ADGRL2: variants seen among roughly 807,000 people sequenced by gnomAD.
ADGRL2 encodes adhesion G protein-coupled receptor L2.
A neutral mutation model predicts 157.4 loss-of-function variants in ADGRL2; 44 were observed. The observed-to-expected ratio is 0.28, with a 90% CI of 0.22 to 0.36. ADGRL2 has a LOEUF of 0.36. ADGRL2 is among the 10% of genes least tolerant of loss of function. The probability of loss-of-function intolerance (pLI) is 1.00; values close to 1 mark genes in which losing one functional copy is unlikely to be tolerated. For synonymous variants in ADGRL2, 585 were observed against 624.7 expected (o/e 0.94, Z 0.95); for missense variants, 1,510 against 1,768.9 (o/e 0.85, Z 2.63).
intron 3 of ADGRL2, among the ~76,000 whole-genome samples, chr1:81,637,879 G>C (rs1345169410): frequency 6.6e-6 from 1 of 151,234 alleles, no homozygotes. Flanking sequence ...TGTCCAGTTT[G>C]TGGGCCTAAG....
intron 1 of ADGRL2, among the ~76,000 whole-genome samples, chr1:81,341,729 G>A (rs752640189): frequency 2.0e-5 from 3 of 152,020 alleles, no homozygotes; most frequent in African/African-American, 4.8e-5. Flanking sequence ...TGTTTGTAGA[G>A]CTCATTGGGA....
chr1:81,725,784 C>T (rs1277153975), intron 1 of ADGRL2, among the ~76,000 whole-genome samples: 1 of 152,110 alleles, frequency 6.6e-6, no homozygotes, highest in Non-Finnish European at 1.5e-5. Context: ...TTTTTAAATT[C>T]CACAATGTAA....
chr1:81,642,897 T>G (rs2082247697), intron 3 of ADGRL2, among the ~76,000 whole-genome samples: 1 of 152,168 alleles, frequency 6.6e-6, no homozygotes, highest in Admixed American at 6.5e-5. Context: ...TTGTAAAAAT[T>G]CTCAGTAAAC....
At chr1:81,775,796 A>G (rs900499205) in intron 2 of ADGRL2, among the ~76,000 whole-genome samples, 2 of 152,184 alleles carry the variant, frequency 1.3e-5, no homozygotes, top group Non-Finnish European at 2.9e-5. Context: ...ATACCTTGTA[A>G]AAAGGTTGGT....
chr1:81,510,409 A>C (rs540485807), intron 2 of ADGRL2, among the ~76,000 whole-genome samples: 2 of 152,166 alleles, frequency 1.3e-5, no homozygotes, highest in Non-Finnish European at 2.9e-5. Context: ...AGGCTGAAAA[A>C]CAAAATTCCT....
chr1:81,448,861 T>C (rs1228582166), intron 2 of ADGRL2, among the ~76,000 whole-genome samples: 1 of 152,182 alleles, frequency 6.6e-6, no homozygotes, highest in Admixed American at 6.5e-5. Context: ...CTAATTTTAC[T>C]AGGGGGATGG....
At chr1:81,858,327 C>T (rs2093274909) in intron 2 of ADGRL2, among the ~76,000 whole-genome samples, 1 of 152,088 alleles carries the variant, frequency 6.6e-6, no homozygotes, top group African/African-American at 2.4e-5. Flanking sequence ...TACTACTATT[C>T]CTTGATTTGA....
intron 2 of ADGRL2, among the ~76,000 whole-genome samples, chr1:81,491,703 T>C (rs1305106340): frequency 1.3e-5 from 2 of 152,148 alleles, no homozygotes; most frequent in East Asian, 3.9e-4. Flanking sequence ...AAAGAAAACA[T>C]TTTAACCCAG....
At chr1:81,474,507 T>A (rs1248731392) in intron 2 of ADGRL2, among the ~76,000 whole-genome samples, 3 of 152,218 alleles carry the variant, frequency 2.0e-5, no homozygotes, top group African/African-American at 7.2e-5. Flanking sequence ...GCATGTTCAA[T>A]AACCTGGACA....
chr1:81,524,350 A>C (rs942892836), intron 2 of ADGRL2, among the ~76,000 whole-genome samples: 1 of 152,120 alleles, frequency 6.6e-6, no homozygotes, highest in Non-Finnish European at 1.5e-5. Flanking sequence ...TGGGCAACAG[A>C]GCGAGACTCC....
chr1:81,615,153 T>G (rs2081617518), intron 3 of ADGRL2, among the ~76,000 whole-genome samples: 1 of 152,190 alleles, frequency 6.6e-6, no homozygotes, highest in African/African-American at 2.4e-5. Context: ...CTTGGAGAAC[T>G]TTTGTGTCTA....
intron 3 of ADGRL2, among the ~76,000 whole-genome samples, chr1:81,616,137 C>T (rs375971534): frequency 1.8e-4 from 28 of 151,488 alleles, no homozygotes; most frequent in African/African-American, 6.5e-4. Flanking sequence ...TTTGGAGCTG[C>T]AGCATCTCAA....
chr1:81,509,450 C>T (rs2079036825), intron 2 of ADGRL2, among the ~76,000 whole-genome samples: 1 of 152,106 alleles, frequency 6.6e-6, no homozygotes, highest in Non-Finnish European at 1.5e-5. Context: ...ACCTTCTGCC[C>T]TATTCAAATC....
chr1:81,333,276 T>G (rs960513851), intron 1 of ADGRL2, among the ~76,000 whole-genome samples: 11 of 152,088 alleles, frequency 7.2e-5, no homozygotes, highest in Non-Finnish European at 1.5e-5. Context: ...GAAAGTGGAC[T>G]GAAAAAAATG....
intron 2 of ADGRL2, among the ~76,000 whole-genome samples, chr1:81,878,969 C>T (rs968854972): frequency 2.0e-5 from 3 of 152,008 alleles, no homozygotes; most frequent in Admixed American, 2.0e-4. Context: ...GATACTTCCC[C>T]CAAAACATTT....
At chr1:81,699,661 T>C, upstream of ADGRL2, 1 of 152,214 alleles carries the variant, frequency 6.6e-6, no homozygotes, top group East Asian at 1.9e-4. Context: ...AAGGGCAGGC[T>C]TGGGATCTTA....
chr1:81,682,959 CCT>C (rs1465971125), intron 3 of ADGRL2, among the ~76,000 whole-genome samples: 6 of 152,230 alleles, frequency 3.9e-5, no homozygotes, highest in African/African-American at 1.2e-4. Context: ...TGGTGAAACC[CCT>C]GTCTCTACTA....
At chr1:81,797,508 A>G (rs769896703), upstream of ADGRL2, among the ~76,000 whole-genome samples, 3 of 152,136 alleles carry the variant, frequency 2.0e-5, no homozygotes, top group Non-Finnish European at 4.4e-5. Flanking sequence ...TGTCTTAGCT[A>G]TAGCCATTGG....
At chr1:81,573,621 C>G (rs1002198959) in intron 2 of ADGRL2, among the ~76,000 whole-genome samples, 1 of 152,196 alleles carries the variant, frequency 6.6e-6, no homozygotes, top group African/African-American at 2.4e-5. Context: ...TTGGCACAGA[C>G]TGACCTCTGA....
Sources: gnomAD v4.1 joint callset for allele counts (sites outside exome capture counted in the v4.1 genomes callset) on GRCh38, gnomAD v4.1.1 for gene constraint, MANE v1.5 for transcripts, NCBI Gene and HGNC (gene_info 2026-07-23, HGNC 2026-07-21) for gene names.